CDH12: variants seen among roughly 807,000 people sequenced by gnomAD.
CDH12 encodes cadherin-12.
A neutral mutation model predicts 74.1 loss-of-function variants in CDH12; 41 were observed. The ratio of observed to expected loss-of-function variants is 0.55; its 90% CI spans 0.43 to 0.72. The LOEUF is 0.72. CDH12 is among the 30% of genes least tolerant of loss of function. CDH12 has a pLI of 0.00. For synonymous variants in CDH12, 399 were observed against 355.0 expected, an observed-to-expected ratio of 1.12 and a Z score of -1.39; for missense variants, 945 against 977.2, an observed-to-expected ratio of 0.97 and a Z score of 0.44.
chr5:22,074,867 G>A (rs1448167743), intron 5 of CDH12, among the ~76,000 whole-genome samples: 1 of 152,094 alleles, frequency 6.6e-6, no homozygotes, highest in Non-Finnish European at 1.5e-5. Context: ...TGGTGGGACT[G>A]TAAACTAGTT....
intron 1 of CDH12, among the ~76,000 whole-genome samples, chr5:22,642,425 C>T (rs66783663): frequency 0.15 from 22,344 of 152,060 alleles, 2,188 homozygotes; most frequent in Admixed American, 0.33. Context: ...ATTCCCTTCC[C>T]CATAACCTTG....
chr5:22,688,579 T>G (rs1482231156), intron 1 of CDH12, among the ~76,000 whole-genome samples: 1 of 152,198 alleles, frequency 6.6e-6, no homozygotes, highest in East Asian at 1.9e-4. Flanking sequence ...TAATACCATC[T>G]GGCAACCTGA....
intron 1 of CDH12, among the ~76,000 whole-genome samples, chr5:22,567,087 A>G (rs1289197404): frequency 6.6e-6 from 1 of 152,182 alleles, no homozygotes; most frequent in Non-Finnish European, 1.5e-5. Flanking sequence ...AACTATTCTT[A>G]TAACTCCTCG....
intron 1 of CDH12, among the ~76,000 whole-genome samples, chr5:22,695,571 AACAG>A (rs1243219216): frequency 6.6e-6 from 1 of 152,216 alleles, no homozygotes; most frequent in African/African-American, 2.4e-5. Context: ...ATATGCAGAA[AACAG>A]ACATATTTTA....
At chr5:21,881,410 T>C (rs976984451) in intron 6 of CDH12, among the ~76,000 whole-genome samples, 1 of 152,118 alleles carries the variant, frequency 6.6e-6, no homozygotes, top group African/African-American at 2.4e-5. Context: ...ATGACGCGGG[T>C]TGTCTGGAGT....
chr5:22,759,705 G>A (rs1188316592), intron 1 of CDH12, among the ~76,000 whole-genome samples: 1 of 152,188 alleles, frequency 6.6e-6, no homozygotes, highest in Non-Finnish European at 1.5e-5. Context: ...AGACTGTCAT[G>A]ATGGTGTTAT....
intron 1 of CDH12, among the ~76,000 whole-genome samples, chr5:22,851,875 G>A (rs987957918): frequency 2.6e-5 from 4 of 152,118 alleles, no homozygotes; most frequent in African/African-American, 4.8e-5. Flanking sequence ...ATGATGAGGC[G>A]CTGCCACTGA....
At chr5:22,602,503 A>T (rs963594922) in intron 1 of CDH12, among the ~76,000 whole-genome samples, 33 of 152,130 alleles carry the variant, frequency 2.2e-4, no homozygotes, top group African/African-American at 7.0e-4. Context: ...AATCTTGTCA[A>T]CTATTCATTG....
intron 1 of CDH12, among the ~76,000 whole-genome samples, chr5:22,610,082 T>C (rs541461482): frequency 1.3e-5 from 2 of 152,374 alleles, no homozygotes; most frequent in East Asian, 3.9e-4. Flanking sequence ...TTCATGTGAC[T>C]AAGTTCTATA....
chr5:21,848,529 A>G (rs1370734435), intron 7 of CDH12, among the ~76,000 whole-genome samples: 1 of 152,034 alleles, frequency 6.6e-6, no homozygotes, highest in Non-Finnish European at 1.5e-5. Flanking sequence ...GTGTTAAATT[A>G]GCCTAAAATG....
chr5:22,425,172 A>AAATATAT (rs1743866934), intron 2 of CDH12, among the ~76,000 whole-genome samples: 55 of 83,480 alleles, frequency 6.6e-4, no homozygotes, highest in African/African-American at 2.2e-3. Flanking sequence ...TATATATATA[A>AAATATAT]ATATATATAT....
intron 6 of CDH12, among the ~76,000 whole-genome samples, chr5:21,963,843 T>G (rs1311078362): frequency 6.6e-6 from 1 of 152,100 alleles, no homozygotes; most frequent in Non-Finnish European, 1.5e-5. Context: ...AGTCATTACT[T>G]TTCACGTCCA....
chr5:22,501,528 G>A (rs1168089822), intron 2 of CDH12, among the ~76,000 whole-genome samples: 2 of 152,024 alleles, frequency 1.3e-5, no homozygotes, highest in African/African-American at 4.8e-5. Context: ...TTGTTATTCT[G>A]TGTAGATGAT....
At chr5:22,525,647 T>C (rs561818617) in intron 1 of CDH12, among the ~76,000 whole-genome samples, 1 of 152,274 alleles carries the variant, frequency 6.6e-6, no homozygotes, top group Admixed American at 6.5e-5. Flanking sequence ...TCATTTCCAA[T>C]TTTTCTCTCT....
chr5:22,405,166 T>G, intron 3 of CDH12, 91 bp downstream of exon 3: 1 of 220,016 alleles, frequency 4.5e-6, no homozygotes. Context: ...GCCGAGATGG[T>G]GCCACTTCAC....
chr5:22,594,145 T>C (rs1736480795), intron 1 of CDH12, among the ~76,000 whole-genome samples: 1 of 152,164 alleles, frequency 6.6e-6, no homozygotes, highest in Non-Finnish European at 1.5e-5. Flanking sequence ...CCTGTTATAT[T>C]CTAATGCACA....
intron 8 of CDH12, among the ~76,000 whole-genome samples, chr5:21,831,379 G>A (rs114123946): frequency 0.011 from 1,607 of 152,088 alleles, 26 homozygotes; most frequent in African/African-American, 0.036. Flanking sequence ...ACAAATAGAC[G>A]GAACCTACTC....
chr5:21,864,129 ATGTGTG>A (rs56781565), intron 6 of CDH12, among the ~76,000 whole-genome samples: 1 of 149,694 alleles, frequency 6.7e-6, no homozygotes, highest in African/African-American at 2.4e-5. Context: ...CAGAAAGAAT[ATGTGTG>A]TGTGTGTGTG....
chr5:22,631,525 G>T (rs919602280), intron 1 of CDH12, among the ~76,000 whole-genome samples: 5 of 152,050 alleles, frequency 3.3e-5, no homozygotes, highest in Admixed American at 2.6e-4. Context: ...TAAGTGAACC[G>T]GTGCAGGGAC....
Sources: allele counts gnomAD v4.1 joint callset (sites outside exome capture counted in the v4.1 genomes callset), GRCh38; gene constraint gnomAD v4.1.1; transcripts MANE v1.5; gene names NCBI Gene and HGNC (gene_info 2026-07-23, HGNC 2026-07-21).